Variants in APBA1 observed in about 807,000 individuals in gnomAD.
APBA1 encodes amyloid-beta A4 precursor protein-binding family A member 1.
In APBA1, 55 loss-of-function variants were observed where a neutral mutation model predicts 86.6. That is an observed-to-expected ratio of 0.64 (90% CI 0.51 to 0.80). The LOEUF (loss-of-function observed/expected upper bound fraction) is 0.80, where lower values mean the gene tolerates loss of function less well. Ranked by LOEUF, APBA1 falls within the 30% of genes least tolerant of loss-of-function variation. The pLI, the probability that APBA1 is intolerant of heterozygous loss-of-function variation, is 0.00. For missense variants in APBA1, 1,090 were observed against 1,183.0 expected, an observed-to-expected ratio of 0.92 and a Z score of 1.15; for synonymous variants, 511 against 493.9, an observed-to-expected ratio of 1.03 and a Z score of -0.46.
rs562940207 is a variant in APBA1, at chr9:69,624,569, C to G, written c.-70+47584G>C. Among the ~76,000 whole-genome samples the G allele has an allele frequency of 3.9e-5, 6 of 152,214 alleles. No homozygotes were observed. In the South Asian group the frequency reaches 1.2e-3, roughly 32 times the overall value. ...AGCTTGGGTGAGGTGCCCAGCAGGT[C>G]AAAATGACTGGTTTCTCACTCTCAC... is the stretch of plus-strand genomic sequence containing the variant. On this transcript the variant is annotated intron_variant, in intron 1 of 12. Coordinates refer to ENST00000265381, the MANE Select transcript of APBA1 (RefSeq NM_001163.4).
chr9:69,542,203 C>A (rs1022069926), intron 1 of APBA1, among the ~76,000 whole-genome samples: 4 of 152,194 alleles, frequency 2.6e-5, no homozygotes, highest in African/African-American at 9.7e-5. Flanking sequence ...TTGCCTCCCC[C>A]ACCATTAACA....
chr9:69,561,860 CAG>C (rs1176293280), intron 1 of APBA1, among the ~76,000 whole-genome samples: 12 of 152,200 alleles, frequency 7.9e-5, no homozygotes, highest in African/African-American at 2.6e-4. Flanking sequence ...CTCCTGACCT[CAG>C]GTGATCCGCC....
At chr9:69,665,477 C>A (rs994639843) in intron 1 of APBA1, among the ~76,000 whole-genome samples, 1 of 152,202 alleles carries the variant, frequency 6.6e-6, no homozygotes, top group Non-Finnish European at 1.5e-5. Flanking sequence ...GGTAAACGAG[C>A]TTTACCCTCA....
chr9:69,653,895 G>T (rs1334939923), intron 1 of APBA1, among the ~76,000 whole-genome samples: 1 of 151,610 alleles, frequency 6.6e-6, no homozygotes, highest in Non-Finnish European at 1.5e-5. Flanking sequence ...ATCACTTGAG[G>T]TGAGGAGTTT....
chr9:69,618,809 C>G (rs1822758879), intron 1 of APBA1, among the ~76,000 whole-genome samples: 1 of 152,188 alleles, frequency 6.6e-6, no homozygotes, highest in Admixed American at 6.5e-5. Flanking sequence ...AGATACATTA[C>G]ATAGAGGAAA....
chr9:69,483,625 A>T (rs1165484098), intron 2 of APBA1, among the ~76,000 whole-genome samples: 7 of 152,192 alleles, frequency 4.6e-5, no homozygotes, highest in Non-Finnish European at 1.0e-4. Flanking sequence ...AATTCATTTT[A>T]ATTCAGATGA....
At chr9:69,616,967 A>C (rs758223983) in intron 1 of APBA1, among the ~76,000 whole-genome samples, 1 of 152,222 alleles carries the variant, frequency 6.6e-6, no homozygotes, top group Admixed American at 6.5e-5. Context: ...GCCTGATAAC[A>C]AGAACTATCA....
intron 11 of APBA1, among the ~76,000 whole-genome samples, chr9:69,440,401 C>A (rs968855006): frequency 6.6e-6 from 1 of 152,024 alleles, no homozygotes; most frequent in Non-Finnish European, 1.5e-5. Context: ...CAGAGGCAGG[C>A]AGGCCTCCTT....
intron 2 of APBA1, among the ~76,000 whole-genome samples, chr9:69,495,507 T>A (rs1002794232): frequency 5.3e-5 from 8 of 151,976 alleles, no homozygotes; most frequent in African/African-American, 1.9e-4. Flanking sequence ...GAGTCAATCA[T>A]GCAACTGGTA....
At chr9:69,455,959 C>A (rs1835088835) in intron 8 of APBA1, among the ~76,000 whole-genome samples, 1 of 152,150 alleles carries the variant, frequency 6.6e-6, no homozygotes, top group Admixed American at 6.5e-5. Context: ...CTGACATAGC[C>A]CCTGTCCCTC....
chr9:69,665,884 C>T (rs1020392678), intron 1 of APBA1, among the ~76,000 whole-genome samples: 2 of 152,068 alleles, frequency 1.3e-5, no homozygotes, highest in South Asian at 2.1e-4. Context: ...TACAAGCATG[C>T]GCCACCATGC....
chr9:69,598,841 T>C (rs1382321846), intron 1 of APBA1, among the ~76,000 whole-genome samples: 1 of 152,230 alleles, frequency 6.6e-6, no homozygotes, highest in Non-Finnish European at 1.5e-5. Context: ...AGTCCAAGGA[T>C]CAAGCTTTCT....
intron 10 of APBA1, among the ~76,000 whole-genome samples, chr9:69,442,773 C>G (rs1454644293): frequency 1.3e-5 from 2 of 152,208 alleles, no homozygotes; most frequent in Non-Finnish European, 2.9e-5. Context: ...CACTCCTTGA[C>G]CAGTCTACCA....
At chr9:69,460,597 G>T (rs1286525924) in intron 5 of APBA1, 1 of 151,324 alleles carries the variant, frequency 6.6e-6, no homozygotes, top group Non-Finnish European at 1.5e-5. Context: ...CTAGGGAACC[G>T]ATTTGAAATA....
intron 1 of APBA1, among the ~76,000 whole-genome samples, chr9:69,671,512 CA>C: frequency 6.6e-6 from 1 of 152,270 alleles, no homozygotes; most frequent in Non-Finnish European, 1.5e-5. Context: ...GTTGCAGGGT[CA>C]AAATAACAAA....
intron 12 of APBA1, among the ~76,000 whole-genome samples, chr9:69,431,944 A>G (rs965697155): frequency 7.1e-6 from 1 of 140,384 alleles, no homozygotes; most frequent in Non-Finnish European, 1.5e-5. Context: ...CAGCAGTGAT[A>G]AATGAATGAC....
rs747153797 is a variant in APBA1, at chr9:69,449,703, T to C, written c.2062A>G (p.Met688Val). The C allele has an allele frequency of 6.2e-7, 1 of 1,614,122 alleles. No homozygotes were observed. Among genetic ancestry groups the C allele is most frequent in the Admixed American group, 1.7e-5 (1 of 60,028 alleles). The change falls in exon 10 of 13, where the codon ATG (methionine) becomes GTG (valine). Residue 688 changes from methionine (M) to valine (V), a missense_variant. Physicochemically the swap from Met to Val is conservative, Grantham distance 21. This residue lies in a region of APBA1 where 97 missense variants were observed against 166.8 expected (regional missense o/e 0.58). Transcript: ENST00000265381. ...TTCTCCGCAGGGCCACCATGCATCA[T>C]GTTGGCAATGATCACGGTGGGGAGG... Reference protein sequence around the residue: ...SILPTVIIANMMHGGPAEKSG... With the variant: ...SILPTVIIANVMHGGPAEKSG...
chr9:69,574,468 A>T lies in APBA1; in HGVS notation c.-69-57189T>A, dbSNP rs190760132. ...AGACTTGGATTAATAAATTCACATT[A>T]AAAAAAATCCTCTCTATATATGCAT... On this transcript the variant is annotated intron_variant, in intron 1 of 12. Coordinates refer to ENST00000265381, the MANE Select transcript of APBA1 (RefSeq NM_001163.4). 4.4e-4 allele frequency among the ~76,000 whole-genome samples: 67 copies of T among 152,118 alleles called. No individual in the cohort carries two copies. The East Asian group carries it at 6.4e-3, about 14-fold the overall frequency.
intron 1 of APBA1, among the ~76,000 whole-genome samples, chr9:69,540,104 G>C (rs1388828317): frequency 2.2e-5 from 3 of 139,064 alleles, no homozygotes; most frequent in Non-Finnish European, 4.8e-5. Context: ...TGGGCAACAG[G>C]AGCAAAACTC....
Sources: gnomAD v4.1 joint callset for allele counts (sites outside exome capture counted in the v4.1 genomes callset) on GRCh38, gnomAD v4.1.1 for gene constraint, gnomAD v4.1.1 regional missense constraint, MANE v1.5 for transcripts, NCBI Gene and HGNC (gene_info 2026-07-23, HGNC 2026-07-21) for gene names.